Variants in RPGRIP1L observed in about 807,000 individuals in gnomAD.
The protein encoded by RPGRIP1L is RPGRIP1 like, also known as protein fantom.
In RPGRIP1L, 131 loss-of-function variants were observed where a neutral mutation model predicts 160.4. The ratio of observed to expected loss-of-function variants is 0.82; its 90% CI spans 0.71 to 0.94. The LOEUF is 0.94. RPGRIP1L is among the 40% of genes least tolerant of loss of function. The pLI, the probability that RPGRIP1L is intolerant of heterozygous loss-of-function variation, is 0.00. For missense variants in RPGRIP1L, 1,522 were observed against 1,535.8 expected, an observed-to-expected ratio of 0.99 and a Z score of 0.15; for synonymous variants, 510 against 515.8, an observed-to-expected ratio of 0.99 and a Z score of 0.15.
chr16:53,643,134 C>T (rs530567382), intron 17 of RPGRIP1L, among the ~76,000 whole-genome samples: 1 of 152,084 alleles, frequency 6.6e-6, no homozygotes, highest in South Asian at 2.1e-4. Context: ...GTGGTGAAAC[C>T]TTGTCTCTAC....
Position 53,652,633 on chromosome 16 carries a change from G to A in RPGRIP1L, c.2054C>T (p.Ala685Val). 1 of 1,613,804 alleles carries A rather than the reference G, an allele frequency of 6.2e-7. No individual in the cohort carries two copies. The highest frequency in any genetic ancestry group is 8.5e-7 in the Non-Finnish European group (1 of 1,179,778). ...KNTITLEVHQ[A>V]YSTEYETIAA... ...AATTGTTTCATATTCTGTGCTATAAGCCTGGTGGACCTCAAGGGTGATAGT... is the reference window on the plus strand; with the variant it reads ...AATTGTTTCATATTCTGTGCTATAAACCTGGTGGACCTCAAGGGTGATAGT... The change falls in exon 15 of 27, where the codon GCT (alanine) becomes GTT (valine). Residue 685 changes from alanine to valine, a missense_variant. Ala to Val is a moderately conservative substitution (Grantham distance 64). Transcript: ENST00000647211.
intron 9 of RPGRIP1L, 134 bp downstream of exon 9, chr16:53,671,376 T>C (rs1161387640): frequency 7.7e-6 from 5 of 652,754 alleles, no homozygotes; most frequent in Non-Finnish European, 1.4e-5. Context: ...ATTTCCTTTA[T>C]ACAGTTTGCA....
At chr16:53,640,852 A>T (rs1163273351) in intron 19 of RPGRIP1L, among the ~76,000 whole-genome samples, 181 bp downstream of exon 19, 3 of 152,178 alleles carry the variant, frequency 2.0e-5, no homozygotes, top group African/African-American at 7.2e-5. Flanking sequence ...GGGTTTAGAT[A>T]AAAAATTTGA....
intron 6 of RPGRIP1L, among the ~76,000 whole-genome samples, chr16:53,683,323 A>G (rs1969742762): frequency 6.6e-6 from 1 of 152,154 alleles, no homozygotes; most frequent in South Asian, 2.1e-4. Context: ...GGGAAATAAA[A>G]GAGACATAAT....
rs181151375 is a variant in RPGRIP1L at position 53,659,258 on chromosome 16, T to C, written c.1244-380A>G. 7 of 869,112 alleles carry C rather than the reference T, an allele frequency of 8.1e-6. No individual in the cohort carries two copies. In the African/African-American group the frequency reaches 9.1e-5, roughly 11 times the overall value. 53.8% of individuals were successfully genotyped at this position (869,112 alleles called of 1,614,324 possible). ...AGCATGTGGAAAAAAAATTGTCTTTTAGTTTTTTAATTGACATCTTTGAAT... is the reference window on the plus strand; with the variant it reads ...AGCATGTGGAAAAAAAATTGTCTTTCAGTTTTTTAATTGACATCTTTGAAT... On this transcript the variant is annotated intron_variant, in intron 10 of 26. Transcript: ENST00000647211.
Position 53,658,455 on chromosome 16 carries a change from T to C in RPGRIP1L, c.1360A>G (p.Ile454Val), listed in dbSNP as rs1452186837. 6.2e-7 allele frequency: 1 copy of C among 1,609,478 alleles called. No individual in the cohort carries two copies. Among genetic ancestry groups the C allele is most frequent in the Non-Finnish European group, 8.5e-7 (1 of 1,175,970 alleles). ...GCTTCACTCAATTCATCAGCATTAA[T>C]ATCATTCTCCTGCAATAGATTAAGT... Reference protein sequence around the residue: ...RIKLYNQENDINADELSEALL... With the variant: ...RIKLYNQENDVNADELSEALL... The change falls in exon 12 of 27, where the codon ATT (isoleucine) becomes GTT (valine). Residue 454 changes from isoleucine to valine, a missense_variant. Physicochemically the swap from Ile to Val is conservative, Grantham distance 29. Coordinates refer to ENST00000647211, the MANE Select transcript of RPGRIP1L (RefSeq NM_015272.5).
intron 22 of RPGRIP1L, among the ~76,000 whole-genome samples, chr16:53,623,724 G>A (rs970876609): frequency 6.6e-6 from 1 of 151,998 alleles, no homozygotes; most frequent in African/African-American, 2.4e-5. Context: ...CCATCACATT[G>A]TACTACATGG....
At chr16:53,609,532 T>C (rs1173176549) in intron 25 of RPGRIP1L, among the ~76,000 whole-genome samples, 3 of 152,172 alleles carry the variant, frequency 2.0e-5, no homozygotes, top group Admixed American at 2.0e-4. Flanking sequence ...TGTCTCCCAA[T>C]ATGATCTCAC....
rs1238398459 is a variant in RPGRIP1L at position 53,673,022 on chromosome 16, A to G, written c.883-6T>C. On this transcript the variant is annotated splice_region_variant and splice_polypyrimidine_tract_variant and intron_variant, in intron 7 of 26. Transcript: ENST00000647211. ...ATTCTGAGAGTTCTTTGCTTCTAAA[A>G]GATAAAAAGAACATCTTTCAAACAT... The G allele has an allele frequency of 2.5e-6, 4 of 1,610,890 alleles. No homozygotes were observed. The highest frequency in any genetic ancestry group is 3.4e-6 in the Non-Finnish European group (4 of 1,178,422).
chr16:53,626,171 A>T (rs1598266421), intron 22 of RPGRIP1L, among the ~76,000 whole-genome samples: 1 of 151,100 alleles, frequency 6.6e-6, no homozygotes, highest in South Asian at 2.1e-4. Context: ...AAAAAAAAGA[A>T]AATGGGAAAA....
At chr16:53,667,440 T>C (rs1012317948) in intron 9 of RPGRIP1L, among the ~76,000 whole-genome samples, 1 of 152,140 alleles carries the variant, frequency 6.6e-6, no homozygotes, top group African/African-American at 2.4e-5. Flanking sequence ...AAATCATCCA[T>C]AAAGAAATCC....
chr16:53,693,358 G>A (rs887220044), intron 3 of RPGRIP1L: 1 of 152,212 alleles, frequency 6.6e-6, no homozygotes, highest in African/African-American at 2.4e-5. Context: ...GTTATGGACA[G>A]AAGCTTTTAC....
intron 15 of RPGRIP1L, among the ~76,000 whole-genome samples, chr16:53,651,924 C>A (rs1300162190): frequency 6.6e-6 from 1 of 150,796 alleles, no homozygotes. Context: ...ATAATTTAAA[C>A]TATTATTATG....
intron 24 of RPGRIP1L, among the ~76,000 whole-genome samples, chr16:53,611,865 A>G (rs1361747601): frequency 6.6e-6 from 1 of 152,186 alleles, no homozygotes; most frequent in Non-Finnish European, 1.5e-5. Flanking sequence ...TCTTTTTCAT[A>G]GGCCATTTTG....
rs1303271684 is a variant in RPGRIP1L at position 53,656,427 on chromosome 16, C to A, written c.1699+45G>T. On this transcript the variant is annotated intron_variant, in intron 14 of 26. Coordinates refer to ENST00000647211, the MANE Select transcript of RPGRIP1L (RefSeq NM_015272.5). Reference sequence around the variant, plus strand: ...ATGACATTATCAACTGTTATAAAATCCATTCCTCTAGTTACTGTGGACCAA... The same window carrying A: ...ATGACATTATCAACTGTTATAAAATACATTCCTCTAGTTACTGTGGACCAA... 5.1e-6 allele frequency: 6 copies of A among 1,182,986 alleles called. No homozygotes were observed. The African/African-American group carries it at 9.0e-5, about 18-fold the overall frequency. 73.3% of individuals were successfully genotyped at this position (1,182,986 alleles called of 1,614,324 possible). A position where few individuals can be genotyped will look rare whatever the true frequency, so the allele number is the denominator to read the frequency against.
At chr16:53,700,168 T>C (rs1301018992) in intron 2 of RPGRIP1L, among the ~76,000 whole-genome samples, 1 of 152,226 alleles carries the variant, frequency 6.6e-6, no homozygotes, top group African/African-American at 2.4e-5. Context: ...TACTAAGTGA[T>C]AAAAGGATAA....
intron 14 of RPGRIP1L, among the ~76,000 whole-genome samples, chr16:53,655,844 G>T (rs186857754): frequency 1.2e-4 from 18 of 152,280 alleles, no homozygotes; most frequent in Admixed American, 1.2e-3. Context: ...GGATCGCTAG[G>T]AATAATTAGA....
chr16:53,638,805 T>C (rs926616795), intron 19 of RPGRIP1L, among the ~76,000 whole-genome samples: 1 of 151,732 alleles, frequency 6.6e-6, no homozygotes, highest in African/African-American at 2.4e-5. Flanking sequence ...TAGTGTTGAG[T>C]AAAAAAGCTA....
At chr16:53,647,230 T>A (rs1966614691) in intron 16 of RPGRIP1L, among the ~76,000 whole-genome samples, 1 of 152,240 alleles carries the variant, frequency 6.6e-6, no homozygotes, top group African/African-American at 2.4e-5. Context: ...ATCAGTGTGA[T>A]ATTAGTCACG....
Sources: allele counts gnomAD v4.1 joint callset (sites outside exome capture counted in the v4.1 genomes callset), GRCh38; gene constraint gnomAD v4.1.1; transcripts MANE v1.5; gene names NCBI Gene and HGNC (gene_info 2026-07-23, HGNC 2026-07-21).